RECQL5: variants seen among roughly 807,000 people sequenced by gnomAD.
The protein encoded by RECQL5 is ATP-dependent DNA helicase Q5.
Under a neutral mutation model 103.4 loss-of-function variants are expected in RECQL5, and 88 were observed. The observed-to-expected ratio is 0.85, with a 90% CI of 0.72 to 1.02. The LOEUF (loss-of-function observed/expected upper bound fraction) is 1.02. Among genes scored for constraint, RECQL5 ranks in the 50% least tolerant of loss-of-function variants. The pLI, the probability that RECQL5 is intolerant of heterozygous loss-of-function variation, is 0.00. For synonymous variants in RECQL5, 552 were observed against 507.9 expected (o/e 1.09, Z -1.17); for missense variants, 1,232 against 1,284.3 (o/e 0.96, Z 0.62).
Position 75,627,532 on chromosome 17 carries a change from C to G in RECQL5, c.2876-10G>C. 6.2e-7 allele frequency: 1 copy of G among 1,613,694 alleles called. No individual in the cohort carries two copies. Among genetic ancestry groups the G allele is most frequent in the South Asian group, 1.1e-5 (1 of 91,076 alleles). On this transcript the variant is annotated splice_polypyrimidine_tract_variant and intron_variant, in intron 19 of 19. Transcript: ENST00000317905. ...TGGGCCTCTTCTTTCACTACAGATT[C>G]AGGGTGGGGGCATGAGGAGGTGAGC...
In RECQL5 at chr17:75,640,891, A is replaced by G. The variant is rs929029254; in HGVS notation, c.1230-9223T>C. On this transcript the variant is annotated intron_variant, in intron 8 of 19. Coordinates refer to ENST00000317905, the MANE Select transcript of RECQL5 (RefSeq NM_004259.7). This position sits in a 1 kb window ranked among gnomAD's most constrained non-coding sequence, Gnocchi z 4.6. ...GGAAGGTCCAGGTGCAGCCGACACC[A>G]CCATGACGGACGGGCGATGGCTGAG... The G allele has an allele frequency of 1.3e-6, 2 of 1,544,216 alleles. No homozygotes were observed. Among genetic ancestry groups the G allele is most frequent in the African/African-American group, 2.7e-5 (2 of 73,048 alleles).
chr17:75,633,812 G>A lies in RECQL5; in HGVS notation c.1230-2144C>T, dbSNP rs140728335. 85 of 1,007,030 alleles carry A rather than the reference G, an allele frequency of 8.4e-5. 1 individual carries two copies. In the East Asian group the frequency reaches 8.4e-3, roughly 99 times the overall value. 62.4% of individuals were successfully genotyped at this position (1,007,030 alleles called of 1,614,324 possible). ...CTCCTGGCCAGGAAGGCAGAGAGCC[G>A]ACTTCTTTCTTCAGCTCCCAACCCA... is the stretch of plus-strand genomic sequence containing the variant. On this transcript the variant is annotated intron_variant, in intron 8 of 19. Transcript: ENST00000317905.
intron 4 of RECQL5, 134 bp downstream of exon 4, chr17:75,662,345 T>A: frequency 1.0e-6 from 1 of 1,003,400 alleles, no homozygotes; most frequent in Non-Finnish European, 1.5e-6. Context: ...AAGAGACAAC[T>A]CTTTTTGTGC....
In RECQL5 at chr17:75,627,452, G is replaced by T. The variant is rs1384121681; in HGVS notation, c.2946C>A (p.Asp982Glu). The T allele has an allele frequency of 1.2e-6, 2 of 1,613,708 alleles. No individual in the cohort carries two copies. The highest frequency in any genetic ancestry group is 2.2e-5 in the South Asian group (2 of 91,088). The change falls in exon 20 of 20, where the codon GAC becomes GAA. Residue 982 changes from aspartate to glutamate, a missense_variant. Asp to Glu is a conservative substitution (Grantham distance 45). Coordinates refer to ENST00000317905, the MANE Select transcript of RECQL5 (RefSeq NM_004259.7). ...HGRARCESEA[D>E]WHGLCGPQR ...TCTGGGGGCCACACAGGCCATGCCA[G>T]TCAGCTTCGCTCTCGCACCGGGCCC...
At chr17:75,631,274 G>T (rs1568259742) in intron 9 of RECQL5, 25 bp from the exon 10 acceptor site, 2 of 1,602,334 alleles carry the variant, frequency 1.2e-6, no homozygotes, top group Admixed American at 3.3e-5. Context: ...GGCGTGAGTG[G>T]CCCTGGCCTG....
chr17:75,633,574 G>C (rs1414610736), intron 8 of RECQL5: 3 of 1,252,030 alleles, frequency 2.4e-6, no homozygotes, highest in Non-Finnish European at 3.1e-6. Context: ...GGCCTCCCCA[G>C]GGACTGGTTG....
At chr17:75,637,015 TG>T (rs1165776557) in intron 8 of RECQL5, 2 of 152,382 alleles carry the variant, frequency 1.3e-5, no homozygotes, top group Admixed American at 1.3e-4. Context: ...TTTTCCCCGC[TG>T]GAGGCCGGGG....
At position 75,639,884 on chromosome 17, in the gene RECQL5, T is replaced by C. The variant is rs986092040; in HGVS notation, c.1230-8216A>G. ...GTAGTGGTACCTCAAGACAAGGGAA[T>C]GGAACAGCGAAGCCAGAAACCACCA... On this transcript the variant is annotated intron_variant, in intron 8 of 19. Transcript: ENST00000317905. The C allele has an allele frequency of 1.8e-5, 5 of 280,234 alleles. No individual in the cohort carries two copies. The East Asian group carries it at 2.2e-4, about 13-fold the overall frequency. The allele number at this position is 280,234 out of a possible 1,614,324, so 17.4% of individuals were successfully genotyped here.
chr17:75,649,541 G>T, intron 8 of RECQL5: 3 of 779,608 alleles, frequency 3.8e-6, no homozygotes, highest in Non-Finnish European at 4.7e-6. Flanking sequence ...GTCCCTCACT[G>T]CCAGGTGCCC....
At chr17:75,658,030 G>A (rs1025444045) in intron 7 of RECQL5, among the ~76,000 whole-genome samples, 2 of 151,876 alleles carry the variant, frequency 1.3e-5, no homozygotes, top group South Asian at 2.1e-4. Context: ...CCTGAGCGAC[G>A]GAGTGAGACT....
Position 75,628,376 on chromosome 17 carries a change from C to G in RECQL5, c.2647G>C (p.Val883Leu). The G allele has an allele frequency of 6.2e-7, 1 of 1,614,054 alleles. No homozygotes were observed. Among genetic ancestry groups the G allele is most frequent in the Non-Finnish European group, 8.5e-7 (1 of 1,180,024 alleles). ...PSAKPSVVAE[V>L]KGSVSASEQG... ...TCGCTGGCCGAGACGCTGCCCTTGA[C>G]CTCAGCTACGACGGAGGGCTTGGCT... is the stretch of plus-strand genomic sequence containing the variant. The change falls in exon 18 of 20, where the codon GTC becomes CTC. Residue 883 changes from valine (V) to leucine (L), a missense_variant. By Grantham distance (32) the Val-to-Leu change is conservative (BLOSUM62 1). Transcript: ENST00000317905.
At position 75,655,416 on chromosome 17, in the gene RECQL5, T is replaced by C. The variant is rs2059606097; in HGVS notation, c.1149+2882A>G. 2.7e-5 allele frequency among the ~76,000 whole-genome samples: 4 copies of C among 148,646 alleles called. No individual in the cohort carries two copies. In the Admixed American group the frequency reaches 2.7e-4, roughly 10 times the overall value. ...TCTCGCTCTATCACCCAGGCTGGAGTGCAGTGGTGCAATCTGGGCTCACTG... is the reference window on the plus strand; with the variant it reads ...TCTCGCTCTATCACCCAGGCTGGAGCGCAGTGGTGCAATCTGGGCTCACTG... On this transcript the variant is annotated intron_variant, in intron 7 of 19. Coordinates refer to ENST00000317905, the MANE Select transcript of RECQL5 (RefSeq NM_004259.7).
At chr17:75,660,844 C>T in intron 6 of RECQL5, 111 bp downstream of exon 6, 1 of 802,474 alleles carries the variant, frequency 1.2e-6, no homozygotes, top group Non-Finnish European at 2.2e-6. Flanking sequence ...GAGCTTCCTT[C>T]CCCTCTAGCC....
At chr17:75,659,997 C>T (rs2059678142) in intron 6 of RECQL5, among the ~76,000 whole-genome samples, 1 of 152,170 alleles carries the variant, frequency 6.6e-6, no homozygotes, top group Admixed American at 6.6e-5. Context: ...TGACCTTCCA[C>T]AGGGAGTAGC....
chr17:75,663,978 C>T (rs189407666), intron 3 of RECQL5, among the ~76,000 whole-genome samples: 27 of 140,192 alleles, frequency 1.9e-4, no homozygotes, highest in African/African-American at 6.8e-4. Context: ...TGCTTGAACC[C>T]GGGAGGCGGA....
chr17:75,663,947 G>A (rs1259585458), intron 3 of RECQL5, among the ~76,000 whole-genome samples: 1 of 151,712 alleles, frequency 6.6e-6, no homozygotes, highest in African/African-American at 2.4e-5. Context: ...CCAGCTACTC[G>A]GGGGACTGAG....
Position 75,666,466 on chromosome 17 carries a change from G to A in RECQL5, c.92C>T (p.Thr31Met), listed in dbSNP as rs34137764. Residue 31 changes from threonine (T) to methionine (M), a missense_variant, in exon 2 of 20, where the codon ACG (threonine) becomes ATG (methionine). By Grantham distance (81) the Thr-to-Met change is moderately conservative. Coordinates refer to ENST00000317905, the MANE Select transcript of RECQL5 (RefSeq NM_004259.7). Reference protein sequence around the residue: ...KKVFGFDSFKTPLQESATMAV... With the variant: ...KKVFGFDSFKMPLQESATMAV... ...CATGGTCGCACTCTCCTGTAAAGGC[G>A]TCTTAAAAGAGTCAAACCCAAAGAC... 4 of 1,614,106 alleles carry A rather than the reference G, an allele frequency of 2.5e-6. No homozygotes were observed. In the African/African-American group the frequency reaches 4.0e-5, roughly 16 times the overall value.
chr17:75,630,447 C>T, intron 13 of RECQL5, 170 bp from the exon 14 acceptor site: 2 of 883,610 alleles, frequency 2.3e-6, no homozygotes, highest in South Asian at 3.4e-5. Context: ...CTGGTAGCAC[C>T]TAAGTTGTAG....
At chr17:75,641,048 T>G in intron 8 of RECQL5, 1 of 1,365,488 alleles carries the variant, frequency 7.3e-7, no homozygotes, top group Non-Finnish European at 9.7e-7. Flanking sequence ...ACTGACAACT[T>G]GAGCCCTACC....
Sources: gnomAD v4.1 joint callset for allele counts (sites outside exome capture counted in the v4.1 genomes callset) on GRCh38, gnomAD v4.1.1 for gene constraint, Gnocchi (gnomAD v3.1) non-coding constraint, MANE v1.5 for transcripts, NCBI Gene and HGNC (gene_info 2026-07-23, HGNC 2026-07-21) for gene names.